The following VMAC variants were observed in gnomAD, a reference collection of about 807,000 sequenced individuals.
VMAC encodes the protein vimentin-type intermediate filament-associated coiled-coil protein.
VMAC carries 8 observed loss-of-function variants against 4.8 expected under a neutral mutation model. That is an observed-to-expected ratio of 1.68 (90% CI 0.99 to 3.03). The LOEUF is 3.03. VMAC is among the 30% of genes most tolerant of loss of function. VMAC has a pLI of 0.00. For missense variants in VMAC, 248 were observed against 245.1 expected, an observed-to-expected ratio of 1.01 and a Z score of -0.08; for synonymous variants, 96 against 113.7, an observed-to-expected ratio of 0.84 and a Z score of 0.99.
In VMAC at chr19:5,909,191, T is replaced by C; in HGVS notation, c.*49T>C. ...GGAGACAGAAAGCCACTGCTGTCAG[T>C]GTCCTTGGGAGTCACCAGCACCCTG... On this transcript the variant is annotated 3_prime_UTR_variant, in exon 2 of 2. Transcript: ENST00000339485. 6.6e-7 allele frequency: 1 copy of C among 1,517,128 alleles called. No individual in the cohort carries two copies. The highest frequency in any genetic ancestry group is 8.8e-7 in the Non-Finnish European group (1 of 1,139,152). 94.0% of individuals were successfully genotyped at this position (1,517,128 alleles called of 1,614,324 possible).
chr19:5,906,637 A>G (rs1365665220), intron 1 of VMAC, among the ~76,000 whole-genome samples: 1 of 152,210 alleles, frequency 6.6e-6, no homozygotes, highest in East Asian at 1.9e-4. Context: ...AAGGCTTCCC[A>G]GAGGAAGAGC....
intron 1 of VMAC, among the ~76,000 whole-genome samples, chr19:5,906,531 C>G (rs565552142): frequency 6.6e-6 from 1 of 152,300 alleles, no homozygotes; most frequent in South Asian, 2.1e-4. Flanking sequence ...TATCCACAGT[C>G]CAGTGGAGAG....
chr19:5,905,226 A>C, intron 1 of VMAC, 145 bp downstream of exon 1: 2 of 930,952 alleles, frequency 2.1e-6, no homozygotes, highest in Non-Finnish European at 2.9e-6. Flanking sequence ...AACACCAAAA[A>C]ACTCGAATTA....
intron 1 of VMAC, among the ~76,000 whole-genome samples, chr19:5,905,954 C>T (rs984031738): frequency 6.6e-6 from 1 of 151,768 alleles, no homozygotes; most frequent in South Asian, 2.1e-4. Context: ...CTCACCCTTC[C>T]AAAGTGCTGG....
At chr19:5,907,335 TAG>T (rs2057682096) in intron 1 of VMAC, among the ~76,000 whole-genome samples, 1 of 152,116 alleles carries the variant, frequency 6.6e-6, no homozygotes, top group Non-Finnish European at 1.5e-5. Flanking sequence ...CTGCTATGGT[TAG>T]ACTTTGTGTT....
At chr19:5,906,195 C>A (rs1279160672) in intron 1 of VMAC, among the ~76,000 whole-genome samples, 2 of 152,102 alleles carry the variant, frequency 1.3e-5, no homozygotes, top group East Asian at 3.9e-4. Flanking sequence ...GCCTTGAACT[C>A]CTGGGCTCAA....
chr19:5,906,317 A>T (rs955078062), intron 1 of VMAC, among the ~76,000 whole-genome samples: 4 of 152,178 alleles, frequency 2.6e-5, no homozygotes, highest in Non-Finnish European at 1.5e-5. Context: ...GATGAAAGAG[A>T]TGAGACAGGC....
At chr19:5,907,395 T>C (rs2057682298) in intron 1 of VMAC, among the ~76,000 whole-genome samples, 1 of 151,648 alleles carries the variant, frequency 6.6e-6, no homozygotes, top group African/African-American at 2.4e-5. Flanking sequence ...GCCCACGTGG[T>C]GTGGAAGGAA....
At position 5,909,942 on chromosome 19, in the gene VMAC, G is replaced by C. The variant is rs560472399; in HGVS notation, c.*800G>C. On this transcript the variant is annotated 3_prime_UTR_variant, in exon 2 of 2. Coordinates refer to ENST00000339485, the MANE Select transcript of VMAC (RefSeq NM_001017921.4). ...ACCAGGGAAAGGAGAAAACTCCTGT[G>C]CCTTTCTGGGCCAGCCTGTCACCCT... The C allele has an allele frequency of 6.6e-6, 1 of 152,328 alleles. No individual in the cohort carries two copies. The highest frequency in any genetic ancestry group is 1.9e-4 in the East Asian group (1 of 5,190). 9.4% of individuals were successfully genotyped at this position (152,328 alleles called of 1,614,324 possible). A position where few individuals can be genotyped will look rare whatever the true frequency, so the allele number is the denominator to read the frequency against.
intron 1 of VMAC, among the ~76,000 whole-genome samples, chr19:5,906,110 C>T (rs1330669467): frequency 6.6e-6 from 1 of 150,726 alleles, no homozygotes; most frequent in African/African-American, 2.4e-5. Context: ...GGATTACAGG[C>T]GTGCGACAGC....
chr19:5,905,670 C>G (rs2057676170), intron 1 of VMAC, among the ~76,000 whole-genome samples: 1 of 152,104 alleles, frequency 6.6e-6, no homozygotes, highest in Admixed American at 6.6e-5. Flanking sequence ...ATCCGCCCGC[C>G]TCAGCCTCCT....
intron 1 of VMAC, 35 bp downstream of exon 1, chr19:5,905,116 A>T: frequency 1.5e-6 from 2 of 1,334,818 alleles, no homozygotes; most frequent in South Asian, 3.9e-5. Flanking sequence ...GACTTCACCG[A>T]GGCGGTAGGC....
In VMAC at chr19:5,910,806, T is replaced by C. The variant is rs2057695211; in HGVS notation, c.*1664T>C. On this transcript the variant is annotated 3_prime_UTR_variant, in exon 2 of 2. Coordinates refer to ENST00000339485, the MANE Select transcript of VMAC (RefSeq NM_001017921.4). Reference sequence around the variant, plus strand: ...GGGGAAGTTATTGCTGAAATTCTGTTTTCTTTCTTTCTTTCTTTTTTTTTT... The same window carrying C: ...GGGGAAGTTATTGCTGAAATTCTGTCTTCTTTCTTTCTTTCTTTTTTTTTT... The C allele has an allele frequency of 8.9e-6, 1 of 112,740 alleles. No homozygotes were observed. Among genetic ancestry groups the C allele is most frequent in the African/African-American group, 3.4e-5 (1 of 29,452 alleles). 7.0% of individuals were successfully genotyped at this position (112,740 alleles called of 1,614,324 possible).
intron 1 of VMAC, among the ~76,000 whole-genome samples, chr19:5,907,734 C>A (rs1382060756): frequency 6.7e-6 from 1 of 150,286 alleles, no homozygotes; most frequent in East Asian, 2.0e-4. Flanking sequence ...TGCAGTGAGC[C>A]GAGATCACAC....
At chr19:5,905,715 C>G (rs967124774) in intron 1 of VMAC, among the ~76,000 whole-genome samples, 20 of 151,942 alleles carry the variant, frequency 1.3e-4, no homozygotes, top group Non-Finnish European at 1.0e-4. Context: ...AGCCACCGCA[C>G]CCGGCCTAAA....
At position 5,905,013 on chromosome 19, in the gene VMAC, C is replaced by A; in HGVS notation, c.123C>A (p.Ala41=). 7.0e-7 allele frequency: 1 copy of A among 1,425,262 alleles called. No homozygotes were observed. Among genetic ancestry groups the A allele is most frequent in the Non-Finnish European group, 9.1e-7 (1 of 1,099,134 alleles). 88.3% of individuals were successfully genotyped at this position (1,425,262 alleles called of 1,614,324 possible). A position where few individuals can be genotyped will look rare whatever the true frequency, so the allele number is the denominator to read the frequency against. The change falls in exon 1 of 2, where the codon GCC becomes GCA. Residue 41 remains alanine, a synonymous_variant. Coordinates refer to ENST00000339485, the MANE Select transcript of VMAC (RefSeq NM_001017921.4). ...DAAERTVHAQ[A]ERLALHDQQL... The stretch of plus-strand genomic sequence containing the variant: ...CGGAGCGCACGGTGCACGCCCAAGC[C>A]GAGCGCCTGGCCCTCCACGACCAGC...
In VMAC at chr19:5,908,829, T is replaced by C. The variant is rs986309763; in HGVS notation, c.197T>C (p.Ile66Thr). The change falls in exon 2 of 2, where the codon ATT becomes ACT. Residue 66 changes from isoleucine to threonine, a missense_variant. By Grantham distance (89) the Ile-to-Thr change is moderately conservative (BLOSUM62 -1). Transcript: ENST00000339485. The surrounding 1 kb of genome is among the most constrained non-coding windows in gnomAD (Gnocchi z 4.5). ...DELGRAKDRE[I>T]ATLQEQLMTS... ...TCCTCTTGCCTTCCTGCCAGTGAGA[T>C]TGCCACACTCCAGGAGCAGCTGATG... 6.2e-6 allele frequency: 10 copies of C among 1,613,452 alleles called. No individual in the cohort carries two copies. Among genetic ancestry groups the C allele is most frequent in the East Asian group, 4.5e-5 (2 of 44,848 alleles).
chr19:5,907,452 T>A (rs146699149), intron 1 of VMAC, among the ~76,000 whole-genome samples: 1,766 of 151,588 alleles, frequency 0.012, 12 homozygotes, highest in South Asian at 0.029. Context: ...CCCTTCATGC[T>A]ATTCTCATGA....
At chr19:5,905,201 T>G in intron 1 of VMAC, 120 bp downstream of exon 1, 1 of 1,110,516 alleles carries the variant, frequency 9.0e-7, no homozygotes, top group South Asian at 2.6e-5. Context: ...CTAGACTGAG[T>G]ATCGGATTGA....
Sources: gnomAD v4.1 joint callset for allele counts (sites outside exome capture counted in the v4.1 genomes callset) on GRCh38, gnomAD v4.1.1 for gene constraint, Gnocchi (gnomAD v3.1) non-coding constraint, MANE v1.5 for transcripts, NCBI Gene and HGNC (gene_info 2026-07-23, HGNC 2026-07-21) for gene names.